SERPINE3: variants seen among roughly 807,000 people sequenced by gnomAD.
SERPINE3 encodes the protein serpin E3.
A neutral mutation model predicts 41.7 loss-of-function variants in SERPINE3; 43 were observed. The ratio of observed to expected loss-of-function variants is 1.03; its 90% CI spans 0.81 to 1.33. SERPINE3 has a LOEUF of 1.33. Ranked by LOEUF, SERPINE3 falls within the 40% of genes most tolerant of loss-of-function variation. The pLI is 0.00. For missense variants in SERPINE3, 440 were observed against 491.7 expected (o/e 0.89, Z 0.99); for synonymous variants, 200 against 192.2 (o/e 1.04, Z -0.34).
At position 51,347,047 on chromosome 13, in the gene SERPINE3, T is replaced by C; in HGVS notation, c.513T>C (p.Pro171=). ...ETAGGGPSEG[P]GGWPWEQVSA... ...CAGGTGGGGGCCCCAGTGAGGGCCCTGGTGGCTGGCCGTGGGAGCAAGTCA... is the reference window on the plus strand; with the variant it reads ...CAGGTGGGGGCCCCAGTGAGGGCCCCGGTGGCTGGCCGTGGGAGCAAGTCA... The change falls in exon 5 of 10, where the codon CCT becomes CCC. Residue 171 remains proline (P), a synonymous_variant. Transcript: ENST00000681248. 6.3e-7 allele frequency: 1 copy of C among 1,589,244 alleles called. No homozygotes were observed. The highest frequency in any genetic ancestry group is 8.6e-7 in the Non-Finnish European group (1 of 1,167,482).
Position 51,361,379 on chromosome 13 carries a change from T to C in SERPINE3, c.1087+15T>C, listed in dbSNP as rs1454483031. On this transcript the variant is annotated intron_variant, in intron 8 of 9. Transcript: ENST00000681248. ...TGGAGCCACAGGTATGTTCAGAGAA[T>C]ACCCAGTCACACTGCTTACCCATAT... 10 of 1,524,804 alleles carry C rather than the reference T, an allele frequency of 6.6e-6. No individual in the cohort carries two copies. The highest frequency in any genetic ancestry group is 2.3e-5 in the East Asian group (1 of 44,260). The allele number at this position is 1,524,804 out of a possible 1,614,324, so 94.5% of individuals were successfully genotyped here.
At position 51,355,200 on chromosome 13, in the gene SERPINE3, T is replaced by C. The variant is rs545748072; in HGVS notation, c.1000+57T>C. On this transcript the variant is annotated intron_variant, in intron 7 of 9. Transcript: ENST00000681248. ...CCGTGTATTTGGGGCAGTTTTATCATACTTTGATTAAGGGATTCTCATTTC... is the reference window on the plus strand; with the variant it reads ...CCGTGTATTTGGGGCAGTTTTATCACACTTTGATTAAGGGATTCTCATTTC... The C allele has an allele frequency of 5.9e-4, 405 of 690,860 alleles. 1 individual carries two copies. The African/African-American group carries it at 7.6e-3, about 13-fold the overall frequency. 42.8% of individuals were successfully genotyped at this position (690,860 alleles called of 1,614,324 possible).
chr13:51,362,156 T>TAG, intron 9 of SERPINE3: 11 of 990,578 alleles, frequency 1.1e-5, no homozygotes, highest in Non-Finnish European at 1.5e-5. Flanking sequence ...TTTAATGCTA[T>TAG]AGGTTTCTAC....
At chr13:51,362,162 T>C in intron 9 of SERPINE3, 1 of 923,028 alleles carries the variant, frequency 1.1e-6, no homozygotes. Context: ...GCTATAGGTT[T>C]CTACTTCTGA....
chr13:51,343,123 C>A (rs1008256237), intron 3 of SERPINE3, among the ~76,000 whole-genome samples: 6 of 152,170 alleles, frequency 3.9e-5, no homozygotes, highest in African/African-American at 1.4e-4. Context: ...TTGGCTTCTG[C>A]AACATGAAGG....
At chr13:51,343,371 G>C (rs1955313471) in intron 3 of SERPINE3, among the ~76,000 whole-genome samples, 1 of 152,204 alleles carries the variant, frequency 6.6e-6, no homozygotes, top group Admixed American at 6.5e-5. Flanking sequence ...ACTGTGTCTG[G>C]ACTCACCAGT....
intron 4 of SERPINE3, among the ~76,000 whole-genome samples, chr13:51,345,190 T>C (rs1337900434): frequency 6.6e-6 from 1 of 152,138 alleles, no homozygotes; most frequent in Non-Finnish European, 1.5e-5. Context: ...ATTCTATAAA[T>C]GGAGAAACTG....
At position 51,355,291 on chromosome 13, in the gene SERPINE3, A is replaced by G. The variant is rs116163776; in HGVS notation, c.1000+148A>G. ...TTTATATAAGAATGTGTTGCTTCTAATAACAGTCAAATTTGGGTTAGATCT... is the reference window on the plus strand; with the variant it reads ...TTTATATAAGAATGTGTTGCTTCTAGTAACAGTCAAATTTGGGTTAGATCT... On this transcript the variant is annotated intron_variant, in intron 7 of 9. Transcript: ENST00000681248. 846 of 576,766 alleles carry G rather than the reference A, an allele frequency of 1.5e-3. 5 individuals are homozygous for G. The African/African-American group carries it at 0.015, about 10-fold the overall frequency. 35.7% of individuals were successfully genotyped at this position (576,766 alleles called of 1,614,324 possible).
chr13:51,347,873 G>A (rs1278089613), intron 5 of SERPINE3, among the ~76,000 whole-genome samples: 1 of 151,970 alleles, frequency 6.6e-6, no homozygotes, highest in Non-Finnish European at 1.5e-5. Context: ...CCATCCACAG[G>A]TTCAGGCCTC....
chr13:51,361,822 T>C lies in SERPINE3; in HGVS notation c.1100T>C (p.Leu367Ser), dbSNP rs757045303. 1.2e-5 allele frequency: 20 copies of C among 1,605,430 alleles called. No homozygotes were observed. In the South Asian group the frequency reaches 1.3e-4, roughly 11 times the overall value. Reference protein sequence around the residue: ...KASGATALLLLKRSRIPIFKA... With the variant: ...KASGATALLLSKRSRIPIFKA... ...TTCTTTCCTGCAGCTCTGTTGTTAT[T>C]GAAAAGGTCTCGGATTCCTATTTTT... The change falls in exon 9 of 10, where the codon TTG (leucine) becomes TCG (serine). Residue 367 changes from leucine to serine, a missense_variant. Transcript: ENST00000681248.
intron 7 of SERPINE3, among the ~76,000 whole-genome samples, chr13:51,357,663 T>C (rs1955500949): frequency 2.0e-5 from 3 of 152,028 alleles, no homozygotes; most frequent in Admixed American, 2.0e-4. Flanking sequence ...AACCAGAGTG[T>C]AGTTCCCCCC....
intron 7 of SERPINE3, among the ~76,000 whole-genome samples, chr13:51,359,553 T>G (rs1161303535): frequency 2.0e-5 from 3 of 152,120 alleles, no homozygotes; most frequent in African/African-American, 7.2e-5. Flanking sequence ...TGAAATAGCC[T>G]GGCCCATCTA....
intron 2 of SERPINE3, 60 bp from the exon 3 acceptor site, chr13:51,341,015 A>G: frequency 6.8e-7 from 1 of 1,460,968 alleles, no homozygotes; most frequent in African/African-American, 1.4e-5. Context: ...TCTGTGGGAC[A>G]TGGCCCTCTT....
chr13:51,346,915 G>A (rs1412710387), intron 4 of SERPINE3, 110 bp from the exon 5 acceptor site: 2 of 727,494 alleles, frequency 2.7e-6, no homozygotes, highest in African/African-American at 1.7e-5. Flanking sequence ...TAAGCAAAAA[G>A]ACCTGCATTT....
chr13:51,351,377 A>G (rs1210762564), intron 6 of SERPINE3, among the ~76,000 whole-genome samples: 1 of 152,074 alleles, frequency 6.6e-6, no homozygotes, highest in Admixed American at 6.5e-5. Context: ...TGTGGACTTC[A>G]TTTGCATTTC....
At chr13:51,341,019 C>A in intron 2 of SERPINE3, 56 bp from the exon 3 acceptor site, 1 of 1,546,674 alleles carries the variant, frequency 6.5e-7, no homozygotes, top group South Asian at 1.2e-5. Context: ...TGGGACATGG[C>A]CCTCTTTCAT....
intron 6 of SERPINE3, among the ~76,000 whole-genome samples, chr13:51,351,009 G>A (rs1955397585): frequency 6.6e-6 from 1 of 151,922 alleles, no homozygotes; most frequent in African/African-American, 2.4e-5. Flanking sequence ...ATATTCCATT[G>A]TATTGATATA....
At chr13:51,341,654 C>T (rs941622388) in intron 3 of SERPINE3, among the ~76,000 whole-genome samples, 3 of 152,194 alleles carry the variant, frequency 2.0e-5, no homozygotes, top group Admixed American at 1.3e-4. Flanking sequence ...GGTTTCATGG[C>T]AATGTTTCAG....
At chr13:51,340,600 G>A (rs1409147708) in intron 1 of SERPINE3, among the ~76,000 whole-genome samples, 184 bp from the exon 2 acceptor site, 5 of 152,174 alleles carry the variant, frequency 3.3e-5, no homozygotes, top group Non-Finnish European at 5.9e-5. Flanking sequence ...ACAGATACTA[G>A]TGAGATTGTT....
Sources: gnomAD v4.1 joint callset for allele counts (sites outside exome capture counted in the v4.1 genomes callset) on GRCh38, gnomAD v4.1.1 for gene constraint, MANE v1.5 for transcripts, NCBI Gene and HGNC (gene_info 2026-07-23, HGNC 2026-07-21) for gene names.